The following CCSER1 variants were observed in gnomAD, a reference collection of about 807,000 sequenced individuals.
CCSER1 encodes the protein serine-rich coiled-coil domain-containing protein 1.
A neutral mutation model predicts 82.0 loss-of-function variants in CCSER1; 41 were observed. The observed-to-expected ratio is 0.50, with a 90% CI of 0.39 to 0.65. The LOEUF (loss-of-function observed/expected upper bound fraction) is 0.65, where lower values mean the gene tolerates loss of function less well. Among genes scored for constraint, CCSER1 ranks in the 30% least tolerant of loss-of-function variants. The probability of loss-of-function intolerance (pLI) is 0.00; values close to 1 mark genes in which losing one functional copy is unlikely to be tolerated. For synonymous variants in CCSER1, 414 were observed against 383.9 expected (o/e 1.08, Z -0.92); for missense variants, 1,119 against 1,064.2 (o/e 1.05, Z -0.72).
chr4:90,546,885 A>G (rs1202483052), intron 5 of CCSER1, among the ~76,000 whole-genome samples: 2 of 152,064 alleles, frequency 1.3e-5, no homozygotes, highest in African/African-American at 4.8e-5. Context: ...TTTATTCATT[A>G]TCAAATCTGC....
chr4:91,574,928 AGCAAAGCTGGAGGCATT>A (rs1319324165), intron 10 of CCSER1, among the ~76,000 whole-genome samples: 3 of 152,040 alleles, frequency 2.0e-5, no homozygotes, highest in Non-Finnish European at 4.4e-5. Flanking sequence ...GAAAAAGTAG[AGCAAAGCTGGAGGCATT>A]GCACTACTGA....
intron 10 of CCSER1, among the ~76,000 whole-genome samples, chr4:91,143,894 T>A (rs1729285704): frequency 6.6e-6 from 1 of 152,074 alleles, no homozygotes; most frequent in Non-Finnish European, 1.5e-5. Flanking sequence ...TTATTAAGGC[T>A]TTTTGTATCT....
At chr4:90,983,849 C>T (rs192211045) in intron 9 of CCSER1, among the ~76,000 whole-genome samples, 14 of 151,778 alleles carry the variant, frequency 9.2e-5, no homozygotes, top group African/African-American at 3.1e-4. Context: ...CTATTATACT[C>T]ATTTGCCTGT....
chr4:91,041,649 A>G (rs1741964295), intron 9 of CCSER1, among the ~76,000 whole-genome samples: 1 of 152,130 alleles, frequency 6.6e-6, no homozygotes, highest in Non-Finnish European at 1.5e-5. Flanking sequence ...TTTTCAAAGT[A>G]AAAGAAAAAA....
chr4:90,654,570 TA>T, intron 6 of CCSER1, among the ~76,000 whole-genome samples: 1 of 152,110 alleles, frequency 6.6e-6, no homozygotes, highest in Non-Finnish European at 1.5e-5. Context: ...TGCGATTTTT[TA>T]AAAATCTGCT....
intron 7 of CCSER1, among the ~76,000 whole-genome samples, chr4:90,752,338 C>T (rs1748798373): frequency 6.6e-6 from 1 of 151,974 alleles, no homozygotes; most frequent in African/African-American, 2.4e-5. Flanking sequence ...TGCAGGGAAC[C>T]TTTCTGTTTG....
intron 1 of CCSER1, among the ~76,000 whole-genome samples, chr4:90,171,927 A>G (rs1731776021): frequency 6.6e-6 from 1 of 151,938 alleles, no homozygotes; most frequent in Non-Finnish European, 1.5e-5. Context: ...TTTACGAGGA[A>G]GGGCTGTGTT....
At chr4:91,578,751 A>C (rs1398294967) in intron 10 of CCSER1, among the ~76,000 whole-genome samples, 1 of 151,866 alleles carries the variant, frequency 6.6e-6, no homozygotes, top group Non-Finnish European at 1.5e-5. Flanking sequence ...ATATTTTCTG[A>C]GGAATATCTT....
At chr4:91,057,922 A>G (rs886271763) in intron 9 of CCSER1, among the ~76,000 whole-genome samples, 1 of 152,158 alleles carries the variant, frequency 6.6e-6, no homozygotes, top group African/African-American at 2.4e-5. Context: ...ATCATTACTC[A>G]TTAAATAAAT....
chr4:91,588,833 T>C (rs1267273555), intron 10 of CCSER1, among the ~76,000 whole-genome samples: 1 of 151,860 alleles, frequency 6.6e-6, no homozygotes, highest in Admixed American at 6.6e-5. Context: ...ATAACTTATG[T>C]CAATTATTAA....
intron 1 of CCSER1, among the ~76,000 whole-genome samples, chr4:90,294,162 A>G (rs74929788): frequency 0.014 from 2,171 of 152,172 alleles, 33 homozygotes; most frequent in African/African-American, 0.043. Flanking sequence ...AACAGATACC[A>G]CTTGGATTGA....
intron 7 of CCSER1, among the ~76,000 whole-genome samples, chr4:90,793,850 A>G (rs1262905383): frequency 3.9e-5 from 6 of 152,140 alleles, no homozygotes; most frequent in Non-Finnish European, 7.4e-5. Flanking sequence ...TGACTTCTTA[A>G]TAACACATAC....
intron 5 of CCSER1, among the ~76,000 whole-genome samples, chr4:90,532,831 T>G (rs1179343580): frequency 3.9e-5 from 6 of 152,148 alleles, no homozygotes; most frequent in Non-Finnish European, 8.8e-5. Flanking sequence ...ACTTGTACTT[T>G]GAGTAGCTTC....
intron 4 of CCSER1, among the ~76,000 whole-genome samples, chr4:90,412,718 TAAAATCGTCAGC>T (rs1302494896): frequency 6.6e-6 from 1 of 152,086 alleles, no homozygotes; most frequent in Non-Finnish European, 1.5e-5. Context: ...GCTTTATGAT[TAAAATCGTCAGC>T]AAAATCGGCA....
chr4:90,385,539 A>C (rs1749899727), intron 3 of CCSER1, among the ~76,000 whole-genome samples: 1 of 149,888 alleles, frequency 6.7e-6, no homozygotes. Flanking sequence ...TGCTCACTGC[A>C]AGCTCCACCT....
At chr4:91,484,650 G>A (rs529933362) in intron 10 of CCSER1, among the ~76,000 whole-genome samples, 4 of 152,216 alleles carry the variant, frequency 2.6e-5, no homozygotes, top group South Asian at 2.1e-4. Flanking sequence ...TGGAAGACAA[G>A]TGATTTTTAG....
At chr4:91,408,751 G>T (rs1467353046) in intron 10 of CCSER1, among the ~76,000 whole-genome samples, 1 of 152,164 alleles carries the variant, frequency 6.6e-6, no homozygotes, top group African/African-American at 2.4e-5. Context: ...CATTCAGATA[G>T]AAACAAAGGA....
rs141746331 is a variant in CCSER1, at chr4:90,183,289, A to G, written c.-42+55458A>G. 7.2e-3 allele frequency among the ~76,000 whole-genome samples: 1,103 copies of G among 152,220 alleles called. 8 individuals are homozygous for G. The highest frequency in any genetic ancestry group is 0.031 in the Middle Eastern group (9 of 294). On this transcript the variant is annotated intron_variant, in intron 1 of 10. Coordinates refer to ENST00000509176, the MANE Select transcript of CCSER1 (RefSeq NM_001145065.2). ...CTATGACCTCCAAACACACACACAC[A>G]CAACCCTGTATCCGGTTTTAACCAT...
chr4:90,244,345 A>C (rs1280100365), intron 1 of CCSER1, among the ~76,000 whole-genome samples: 1 of 152,222 alleles, frequency 6.6e-6, no homozygotes, highest in Non-Finnish European at 1.5e-5. Context: ...TTACATTCTC[A>C]TCAGTAAGTG....
Sources: allele counts gnomAD v4.1 joint callset (sites outside exome capture counted in the v4.1 genomes callset), GRCh38; gene constraint gnomAD v4.1.1; transcripts MANE v1.5; gene names NCBI Gene and HGNC (gene_info 2026-07-23, HGNC 2026-07-21).